The following RNF115 variants were observed in gnomAD, a reference collection of about 807,000 sequenced individuals.
RNF115 encodes ring finger protein 115.
Under a neutral mutation model 39.2 loss-of-function variants are expected in RNF115, and 31 were observed. The ratio of observed to expected loss-of-function variants is 0.79; its 90% CI spans 0.59 to 1.07. The LOEUF is 1.07. Ranked by LOEUF, RNF115 falls within the 50% of genes least tolerant of loss-of-function variation. The pLI is 0.00. For missense variants in RNF115, 384 were observed against 381.7 expected (o/e 1.01, Z -0.05); for synonymous variants, 124 against 131.0 (o/e 0.95, Z 0.37).
chr1:145,773,889 G>A (rs1404201283), intron 3 of RNF115: 1 of 151,954 alleles, frequency 6.6e-6, no homozygotes, highest in Admixed American at 6.6e-5. Context: ...TCCCTCAGGA[G>A]GAAGAGTGTC....
intron 1 of RNF115, among the ~76,000 whole-genome samples, chr1:145,807,739 T>C (rs1469959987): frequency 2.0e-5 from 3 of 152,324 alleles, no homozygotes; most frequent in South Asian, 4.1e-4. Context: ...TTGTTAACTT[T>C]AGTCACTCTA....
chr1:145,801,752 TTTCAGTAACTCATTTCTAA>T (rs1553720918), intron 1 of RNF115, among the ~76,000 whole-genome samples: 2 of 152,098 alleles, frequency 1.3e-5, no homozygotes, highest in African/African-American at 2.4e-5. Context: ...TTTCTCTCTT[TTTCAGTAACTCATTTCTAA>T]TTCAGTAACT....
chr1:145,766,067 A>G (rs1347457338), intron 4 of RNF115, among the ~76,000 whole-genome samples: 1 of 151,580 alleles, frequency 6.6e-6, no homozygotes, highest in African/African-American at 2.4e-5. Flanking sequence ...GCAGGGTCAT[A>G]GGACAATAGT....
At chr1:145,771,997 T>C (rs1412401597) in intron 3 of RNF115, 78 bp from the exon 4 acceptor site, 2 of 1,144,244 alleles carry the variant, frequency 1.7e-6, no homozygotes, top group Non-Finnish European at 2.5e-6. Flanking sequence ...TTTTTTATAT[T>C]ACAAATGGCC....
intron 2 of RNF115, chr1:145,786,993 T>A: frequency 8.8e-7 from 1 of 1,137,678 alleles, no homozygotes; most frequent in Non-Finnish European, 1.2e-6. Context: ...ATTAGTAAAG[T>A]AAAACTAATA....
At chr1:145,766,694 C>T (rs1318511009) in intron 4 of RNF115, among the ~76,000 whole-genome samples, 24 of 137,448 alleles carry the variant, frequency 1.7e-4, no homozygotes, top group Admixed American at 1.3e-3. Flanking sequence ...ACCTCCCTCC[C>T]GGACGGGGCG....
At chr1:145,818,773 GAAGA>G (rs1484319132) in intron 1 of RNF115, among the ~76,000 whole-genome samples, 2 of 151,478 alleles carry the variant, frequency 1.3e-5, no homozygotes, top group Non-Finnish European at 2.9e-5. Flanking sequence ...AAAGCCAGCA[GAAGA>G]AATAACCAAA....
chr1:145,764,870 T>A (rs1163630813), intron 4 of RNF115, among the ~76,000 whole-genome samples: 2 of 151,908 alleles, frequency 1.3e-5, no homozygotes, highest in African/African-American at 2.4e-5. Context: ...GGCCGCCCCT[T>A]CTGGGAAGTG....
At position 145,750,545 on chromosome 1, in the gene RNF115, A is replaced by G. The variant is rs371880942; in HGVS notation, c.574-45T>C. ...AAAAGACGAAGTGGCAGACATCGCA[A>G]TATCCCTGGAGAGGGAACTGCTCCA... is the stretch of plus-strand genomic sequence containing the variant. On this transcript the variant is annotated intron_variant, in intron 6 of 8. Transcript: ENST00000582693. 4 of 1,468,192 alleles carry G rather than the reference A, an allele frequency of 2.7e-6. No homozygotes were observed. The African/African-American group carries it at 4.2e-5, about 15-fold the overall frequency. 90.9% of individuals were successfully genotyped at this position (1,468,192 alleles called of 1,614,324 possible).
Position 145,746,758 on chromosome 1 carries a change from G to T in RNF115, c.*108C>A. 1.9e-6 allele frequency: 2 copies of T among 1,055,808 alleles called. No individual in the cohort carries two copies. The highest frequency in any genetic ancestry group is 1.8e-5 in the South Asian group (1 of 57,046). The allele number at this position is 1,055,808 out of a possible 1,614,324, so 65.4% of individuals were successfully genotyped here. A position where few individuals can be genotyped will look rare whatever the true frequency, so the allele number is the denominator to read the frequency against. On this transcript the variant is annotated 3_prime_UTR_variant, in exon 9 of 9. Coordinates refer to ENST00000582693, the MANE Select transcript of RNF115 (RefSeq NM_014455.4). Reference sequence around the variant, plus strand: ...ATTCATTGCATTTATATTATGTGTTGAGTTTCTTACATATTCCTAAATCCA... The same window carrying T: ...ATTCATTGCATTTATATTATGTGTTTAGTTTCTTACATATTCCTAAATCCA...
intron 4 of RNF115, among the ~76,000 whole-genome samples, chr1:145,756,631 C>T: frequency 6.6e-6 from 1 of 152,222 alleles, no homozygotes; most frequent in South Asian, 2.1e-4. Context: ...TATTCGTTCA[C>T]TGATGTGGGT....
intron 4 of RNF115, among the ~76,000 whole-genome samples, chr1:145,764,039 A>T (rs1016911800): frequency 6.6e-6 from 1 of 152,016 alleles, no homozygotes; most frequent in Non-Finnish European, 1.5e-5. Context: ...TCAGCCTGCC[A>T]AGTGCCTGCT....
chr1:145,760,288 C>T (rs1658449827), intron 4 of RNF115, among the ~76,000 whole-genome samples: 1 of 152,108 alleles, frequency 6.6e-6, no homozygotes, highest in Non-Finnish European at 1.5e-5. Context: ...GGGCCTAGTG[C>T]TGCACACCTG....
chr1:145,784,551 T>C lies in RNF115; in HGVS notation c.207A>G (p.Thr69=). 1 of 1,613,928 alleles carries C rather than the reference T, an allele frequency of 6.2e-7. No individual in the cohort carries two copies. The highest frequency in any genetic ancestry group is 1.3e-5 in the African/African-American group (1 of 75,034). The change falls in exon 3 of 9, where the codon ACA becomes ACG. Residue 69 remains threonine (T), a synonymous_variant. Transcript: ENST00000582693. ...AAGGAAAACTTACCTCTGCAAAATG[T>C]GTTGTTGTGGTATTGTCTATCCGAC... ...GGSRIDNTTT[T]HFAELWGHLD... is the part of the protein sequence containing the mutation.
intron 3 of RNF115, among the ~76,000 whole-genome samples, chr1:145,776,128 G>C (rs868926100): frequency 3.3e-5 from 5 of 150,786 alleles, no homozygotes; most frequent in Admixed American, 1.3e-4. Context: ...TCCTACCAGA[G>C]TATAAATGCT....
chr1:145,758,720 C>A (rs1455592512), intron 4 of RNF115, among the ~76,000 whole-genome samples: 2 of 152,168 alleles, frequency 1.3e-5, no homozygotes, highest in Non-Finnish European at 2.9e-5. Flanking sequence ...AGGGACAACT[C>A]ACCAGCAGCT....
chr1:145,789,399 C>G (rs1648548691), intron 1 of RNF115, among the ~76,000 whole-genome samples: 1 of 150,332 alleles, frequency 6.7e-6, no homozygotes. Context: ...CTGAGCCCAG[C>G]CTAGTTTTTT....
At chr1:145,801,084 T>C (rs1288477986) in intron 1 of RNF115, among the ~76,000 whole-genome samples, 1 of 151,954 alleles carries the variant, frequency 6.6e-6, no homozygotes, top group African/African-American at 2.4e-5. Flanking sequence ...GGCAGGAGAA[T>C]GGCATGAACC....
At chr1:145,778,378 G>A (rs1647973938) in intron 3 of RNF115, among the ~76,000 whole-genome samples, 1 of 152,068 alleles carries the variant, frequency 6.6e-6, no homozygotes. Flanking sequence ...GATTCTTTTG[G>A]GGATGATGAA....
Sources: gnomAD v4.1 joint callset for allele counts (sites outside exome capture counted in the v4.1 genomes callset) on GRCh38, gnomAD v4.1.1 for gene constraint, MANE v1.5 for transcripts, NCBI Gene and HGNC (gene_info 2026-07-23, HGNC 2026-07-21) for gene names.